Variants in PWWP3A observed in about 807,000 individuals in gnomAD.
PWWP3A encodes the protein PWWP domain-containing DNA repair factor 3A.
In PWWP3A, 53 loss-of-function variants were observed where a neutral mutation model predicts 79.0. That is an observed-to-expected ratio of 0.67 (90% CI 0.54 to 0.84). The LOEUF (loss-of-function observed/expected upper bound fraction) is 0.84, where lower values mean the gene tolerates loss of function less well. Among genes scored for constraint, PWWP3A ranks in the 40% least tolerant of loss-of-function variants. PWWP3A has a pLI of 0.00. For synonymous variants in PWWP3A, 443 were observed against 394.4 expected (o/e 1.12, Z -1.46); for missense variants, 973 against 948.0 (o/e 1.03, Z -0.35).
At chr19:1,355,487 C>G (rs1183801743) in intron 1 of PWWP3A, among the ~76,000 whole-genome samples, 3 of 119,534 alleles carry the variant, frequency 2.5e-5, no homozygotes, top group African/African-American at 9.5e-5. Context: ...GATTCCCCAC[C>G]CCCAACCGTG....
intron 6 of PWWP3A, among the ~76,000 whole-genome samples, chr19:1,363,367 A>G (rs2082061752): frequency 6.6e-6 from 1 of 152,150 alleles, no homozygotes; most frequent in South Asian, 2.1e-4. Flanking sequence ...GTGAGCAGTC[A>G]CCACTCACCA....
Position 1,377,659 on chromosome 19 carries a change from G to A in PWWP3A, c.*1083G>A, listed in dbSNP as rs902802292. 1.2e-4 allele frequency: 19 copies of A among 152,316 alleles called. No homozygotes were observed. The highest frequency in any genetic ancestry group is 4.1e-4 in the African/African-American group (17 of 41,468). 9.4% of individuals were successfully genotyped at this position (152,316 alleles called of 1,614,324 possible). A position where few individuals can be genotyped will look rare whatever the true frequency, so the allele number is the denominator to read the frequency against. ...TGCTGTTAAGAGCAAAGCCACAGAC[G>A]ATGACTTGTCCATTCTCAGTGGATG... On this transcript the variant is annotated 3_prime_UTR_variant, in exon 14 of 14. Transcript: ENST00000591337.
At position 1,356,234 on chromosome 19, in the gene PWWP3A, A is replaced by G. The variant is rs898051482; in HGVS notation, c.-69-90A>G. 33 of 709,306 alleles carry G rather than the reference A, an allele frequency of 4.7e-5. No homozygotes were observed. In the African/African-American group the frequency reaches 5.4e-4, roughly 12 times the overall value. The allele number at this position is 709,306 out of a possible 1,614,324, so 43.9% of individuals were successfully genotyped here. A position where few individuals can be genotyped will look rare whatever the true frequency, so the allele number is the denominator to read the frequency against. ...GAATTAAACCATCTACTTGAGGCTA[A>G]GTCGAGCTAACCTTTGCCCCTGAGG... On this transcript the variant is annotated intron_variant, in intron 1 of 13. Transcript: ENST00000591337.
intron 1 of PWWP3A, 57 bp from the exon 2 acceptor site, chr19:1,356,267 C>T: frequency 1.1e-6 from 1 of 889,966 alleles, no homozygotes; most frequent in Admixed American, 1.9e-5. Context: ...AGGGCTGTGT[C>T]TGCGTTAACA....
intron 1 of PWWP3A, among the ~76,000 whole-genome samples, chr19:1,355,485 A>G (rs112966596): frequency 1.7e-4 from 1 of 5,930 alleles, no homozygotes; most frequent in Admixed American, 2.2e-3. Context: ...TGGATTCCCC[A>G]CCCCCAACCG....
At position 1,370,528 on chromosome 19, in the gene PWWP3A, C is replaced by T. The variant is rs986566568; in HGVS notation, c.1550-114C>T. On this transcript the variant is annotated intron_variant, in intron 11 of 13. Coordinates refer to ENST00000591337, the MANE Select transcript of PWWP3A (RefSeq NM_001369789.1). ...CTCCCGTGCTAACACGGAGCTCGATCGCTAGGGTCTGCCCCCATCCCTGCC... is the reference window on the plus strand; with the variant it reads ...CTCCCGTGCTAACACGGAGCTCGATTGCTAGGGTCTGCCCCCATCCCTGCC... 38 of 954,116 alleles carry T rather than the reference C, an allele frequency of 4.0e-5. No individual in the cohort carries two copies. The African/African-American group carries it at 5.0e-4, about 13-fold the overall frequency. 59.1% of individuals were successfully genotyped at this position (954,116 alleles called of 1,614,324 possible).
chr19:1,357,041 TAAGAG>T lies in PWWP3A; in HGVS notation c.95_99del (p.Arg32LysfsTer17), dbSNP rs2081888667. ...CCCGAACCGCGACTTCAACAAAAAA[TAAGAG>T]AAGAAAGGAATATTTTCTAGCTGTG... On this transcript the variant is annotated frameshift_variant, in exon 3 of 14. Coordinates refer to ENST00000591337, the MANE Select transcript of PWWP3A (RefSeq NM_001369789.1). LOFTEE classifies it high-confidence loss of function. The T allele has an allele frequency of 6.2e-6, 10 of 1,613,234 alleles. No individual in the cohort carries two copies. Among genetic ancestry groups the T allele is most frequent in the South Asian group, 1.1e-5 (1 of 90,752 alleles).
In PWWP3A at chr19:1,356,358, C is replaced by A; in HGVS notation, c.-35C>A. ...GCGTGAGACCTGGGAGTACGTTGTG[C>A]CAAATCATTGCCACTTGCCACATGA... On this transcript the variant is annotated 5_prime_UTR_variant, in exon 2 of 14. Transcript: ENST00000591337. The A allele has an allele frequency of 6.2e-7, 1 of 1,610,052 alleles. No homozygotes were observed. The highest frequency in any genetic ancestry group is 1.3e-5 in the African/African-American group (1 of 74,972).
In PWWP3A at chr19:1,354,989, C is replaced by T. The variant is rs1230612242; in HGVS notation, c.-216C>T. On this transcript the variant is annotated 5_prime_UTR_variant, in exon 1 of 14. Coordinates refer to ENST00000591337, the MANE Select transcript of PWWP3A (RefSeq NM_001369789.1). ...CCGCCCCCGGCCCCGCGGGGAGCGG[C>T]GGCGGCGGCGGCGGCGGCGGTGGCG... The T allele has an allele frequency of 1.4e-5, 2 of 148,088 alleles. No individual in the cohort carries two copies. The highest frequency in any genetic ancestry group is 5.0e-5 in the African/African-American group (2 of 40,280). The allele number at this position is 148,088 out of a possible 1,614,324, so 9.2% of individuals were successfully genotyped here. A position where few individuals can be genotyped will look rare whatever the true frequency, so the allele number is the denominator to read the frequency against.
chr19:1,358,324 A>G (rs2081929951), intron 3 of PWWP3A, 70 bp from the exon 4 acceptor site: 1 of 1,384,870 alleles, frequency 7.2e-7, no homozygotes, highest in Non-Finnish European at 1.0e-6. Context: ...TGTTATCTAA[A>G]GGAAAACATG....
Position 1,377,580 on chromosome 19 carries a change from TTGTTGAGGGC to T in PWWP3A, c.*1008_*1017del, listed in dbSNP as rs1309393032. 6.6e-6 allele frequency: 1 copy of T among 152,222 alleles called. No individual in the cohort carries two copies. The highest frequency in any genetic ancestry group is 1.9e-4 in the East Asian group (1 of 5,188). The allele number at this position is 152,222 out of a possible 1,614,324, so 9.4% of individuals were successfully genotyped here. A position where few individuals can be genotyped will look rare whatever the true frequency, so the allele number is the denominator to read the frequency against. ...CACAGCACGGTGCCGGGGCTGCAGG[TTGTTGAGGGC>T]TGTGACTCCGTGGGGCTCAGCCAGG... On this transcript the variant is annotated 3_prime_UTR_variant, in exon 14 of 14. Coordinates refer to ENST00000591337, the MANE Select transcript of PWWP3A (RefSeq NM_001369789.1).
chr19:1,375,800 G>A (rs1246049351), intron 13 of PWWP3A, among the ~76,000 whole-genome samples: 3 of 95,210 alleles, frequency 3.2e-5, no homozygotes, highest in East Asian at 4.9e-4. Flanking sequence ...ACACACATAT[G>A]TATTTATTTA....
intron 13 of PWWP3A, among the ~76,000 whole-genome samples, chr19:1,375,888 C>G (rs1296823835): frequency 6.7e-6 from 1 of 148,370 alleles, no homozygotes; most frequent in East Asian, 1.9e-4. Flanking sequence ...CCACTGCAAC[C>G]CCCCCACCGT....
rs773146111 is a variant in PWWP3A at position 1,367,144 on chromosome 19, C to T, written c.1362-16C>T. 3.1e-6 allele frequency: 5 copies of T among 1,606,966 alleles called. No homozygotes were observed. The East Asian group carries it at 8.9e-5, about 29-fold the overall frequency. On this transcript the variant is annotated splice_polypyrimidine_tract_variant and intron_variant, in intron 8 of 13. Transcript: ENST00000591337. Reference sequence around the variant, plus strand: ...GAAGTTCATTCATGTTAACTTTTCCCTCTCTCTGCTTCAAGTTTCACAGTG... The same window carrying T: ...GAAGTTCATTCATGTTAACTTTTCCTTCTCTCTGCTTCAAGTTTCACAGTG...
chr19:1,358,189 G>GA (rs77499352), intron 3 of PWWP3A: 46,539 of 388,612 alleles, frequency 0.12, 4 homozygotes, highest in Middle Eastern at 0.15. Flanking sequence ...GTCTTAAAAG[G>GA]AAAAAAAAAA....
In PWWP3A at chr19:1,356,566, G is replaced by A. The variant is rs561365797; in HGVS notation, c.57+117G>A. On this transcript the variant is annotated intron_variant, in intron 2 of 13. Transcript: ENST00000591337. ...AGTGAAATAATTGAGCCAGAACACG[G>A]TTGGCACTGATTCTCGTTCCCCATT... 7.3e-5 allele frequency: 70 copies of A among 957,064 alleles called. No homozygotes were observed. The East Asian group carries it at 1.6e-3, about 22-fold the overall frequency. The allele number at this position is 957,064 out of a possible 1,614,324, so 59.3% of individuals were successfully genotyped here. A position where few individuals can be genotyped will look rare whatever the true frequency, so the allele number is the denominator to read the frequency against.
At position 1,360,722 on chromosome 19, in the gene PWWP3A, C is replaced by T. The variant is rs529072646; in HGVS notation, c.801C>T (p.Asn267=). The part of the protein sequence containing the change: ...SGVREDDPCA[N]AEGHDPGLPL... ...TCAGGGAGGACGATCCCTGTGCCAA[C>T]GCTGAGGGACACGACCCCGGTCTGC... Residue 267 remains asparagine, a synonymous_variant, in exon 5 of 14, where the codon AAC becomes AAT. Coordinates refer to ENST00000591337, the MANE Select transcript of PWWP3A (RefSeq NM_001369789.1). The surrounding 1 kb of genome is among the most constrained non-coding windows in gnomAD (Gnocchi z 4.4). The T allele has an allele frequency of 1.4e-5, 23 of 1,613,274 alleles. No homozygotes were observed. The Admixed American group carries it at 1.7e-4, about 12-fold the overall frequency.
At position 1,361,165 on chromosome 19, in the gene PWWP3A, G is replaced by C. The variant is rs930787190; in HGVS notation, c.1111+133G>C. The C allele has an allele frequency of 3.6e-6, 3 of 832,442 alleles. No individual in the cohort carries two copies. In the African/African-American group the frequency reaches 5.4e-5, roughly 15 times the overall value. The allele number at this position is 832,442 out of a possible 1,614,324, so 51.6% of individuals were successfully genotyped here. ...TCGTTGCCAAAATAGACTTAGAGCA[G>C]AGACTTCCTCATTCCTTTTTGTCTG... On this transcript the variant is annotated intron_variant, in intron 5 of 13. Transcript: ENST00000591337.
intron 6 of PWWP3A, among the ~76,000 whole-genome samples, chr19:1,363,291 G>A (rs183566810): frequency 2.3e-4 from 35 of 151,194 alleles, no homozygotes; most frequent in Admixed American, 1.3e-3. Context: ...CCTTTTTTTT[G>A]CCTAATGCTA....
Sources: allele counts gnomAD v4.1 joint callset (sites outside exome capture counted in the v4.1 genomes callset), GRCh38; gene constraint gnomAD v4.1.1; non-coding constraint Gnocchi (gnomAD v3.1); transcripts MANE v1.5; gene names NCBI Gene and HGNC (gene_info 2026-07-23, HGNC 2026-07-21).